Variants in FAM178B observed in about 807,000 individuals in gnomAD.
FAM178B encodes the protein protein FAM178B.
FAM178B carries 82 observed loss-of-function variants against 91.7 expected under a neutral mutation model. That is an observed-to-expected ratio of 0.89 (90% CI 0.75 to 1.07). FAM178B has a LOEUF of 1.07. Among genes scored for constraint, FAM178B ranks in the 50% least tolerant of loss-of-function variants. The pLI, the probability that FAM178B is intolerant of heterozygous loss-of-function variation, is 0.00. For missense variants in FAM178B, 769 were observed against 846.7 expected (o/e 0.91, Z 1.14); for synonymous variants, 368 against 359.4 (o/e 1.02, Z -0.27).
At chr2:96,949,206 C>T (rs755834077) in intron 7 of FAM178B, among the ~76,000 whole-genome samples, 10 of 152,166 alleles carry the variant, frequency 6.6e-5, no homozygotes, top group Non-Finnish European at 1.3e-4. Flanking sequence ...GATCGAGTCC[C>T]TGAGAGAGAA....
chr2:96,986,545 C>T lies in FAM178B; in HGVS notation c.-232G>A, dbSNP rs1409385801. Reference sequence around the variant, plus strand: ...AACCAAGCGGCCAGCTCACAGCCGCCGCCGCCGCCAGCTGGGGAGCTCGCC... The same window carrying T: ...AACCAAGCGGCCAGCTCACAGCCGCTGCCGCCGCCAGCTGGGGAGCTCGCC... On this transcript the variant is annotated 5_prime_UTR_variant, in exon 1 of 17. Coordinates refer to ENST00000490605, the MANE Select transcript of FAM178B (RefSeq NM_001122646.3). The T allele has an allele frequency of 5.7e-6, 3 of 526,086 alleles. No individual in the cohort carries two copies. Among genetic ancestry groups the T allele is most frequent in the Admixed American group, 3.5e-5 (1 of 28,426 alleles). 32.6% of individuals were successfully genotyped at this position (526,086 alleles called of 1,614,324 possible).
In FAM178B at chr2:96,972,241, G is replaced by C. The variant is rs960137604; in HGVS notation, c.224C>G (p.Pro75Arg). The C allele has an allele frequency of 2.0e-6, 3 of 1,523,290 alleles. No homozygotes were observed. The highest frequency in any genetic ancestry group is 1.4e-5 in the African/African-American group (1 of 71,864). 94.4% of individuals were successfully genotyped at this position (1,523,290 alleles called of 1,614,324 possible). The change falls in exon 3 of 17, where the codon CCC becomes CGC. Residue 75 changes from proline (P) to arginine (R), a missense_variant. Coordinates refer to ENST00000490605, the MANE Select transcript of FAM178B (RefSeq NM_001122646.3). ...GCAGGGCCGCCGGGCAGGGCAGCGG[G>C]GCCCCTGGTCCAGGGGATGGTCTGA... ...GLSDHPLDQGPRCPARRPCSP... is the reference protein window; with the variant it reads ...GLSDHPLDQGRRCPARRPCSP...
At chr2:96,894,087 G>T (rs1329767865) in intron 13 of FAM178B, 36 bp from the exon 14 acceptor site, 2 of 1,576,766 alleles carry the variant, frequency 1.3e-6, no homozygotes, top group African/African-American at 1.4e-5. Flanking sequence ...CTCACAGAGG[G>T]TGGTGGCCAA....
intron 8 of FAM178B, among the ~76,000 whole-genome samples, chr2:96,945,687 G>T (rs1188934372): frequency 1.3e-5 from 2 of 152,192 alleles, no homozygotes; most frequent in Non-Finnish European, 2.9e-5. Context: ...CTGAGGAAAT[G>T]ACTTCCTTCT....
At chr2:96,948,041 T>C (rs2081860013) in intron 7 of FAM178B, 139 bp from the exon 8 acceptor site, 1 of 600,854 alleles carries the variant, frequency 1.7e-6, no homozygotes, top group East Asian at 2.8e-5. Flanking sequence ...AAGGACATTG[T>C]CATTGTTGCC....
chr2:96,978,557 T>A (rs767161891), intron 1 of FAM178B, among the ~76,000 whole-genome samples: 11 of 152,166 alleles, frequency 7.2e-5, no homozygotes, highest in Non-Finnish European at 1.5e-4. Context: ...TGACTTTCTG[T>A]TTCTGAGTTA....
chr2:96,950,729 A>T (rs1435880350), intron 7 of FAM178B, among the ~76,000 whole-genome samples: 1 of 152,154 alleles, frequency 6.6e-6, no homozygotes, highest in African/African-American at 2.4e-5. Context: ...GCCCTGGGCA[A>T]AATGTATGTT....
chr2:96,960,619 G>A (rs1036785740), intron 5 of FAM178B, among the ~76,000 whole-genome samples, 179 bp from the exon 6 acceptor site: 2 of 152,164 alleles, frequency 1.3e-5, no homozygotes, highest in Non-Finnish European at 2.9e-5. Context: ...AGGCACGCAG[G>A]AGCCCTTCAG....
At chr2:96,977,950 C>CGGGGTGGGGGGGGG in intron 1 of FAM178B, 1 of 229,318 alleles carries the variant, frequency 4.4e-6, no homozygotes, top group Non-Finnish European at 8.8e-6. Context: ...GTGGGGCGGG[C>CGGGGTGGGGGGGGG]GGGGGAGGGG....
chr2:96,883,491 G>A (rs2080440236), intron 14 of FAM178B, among the ~76,000 whole-genome samples: 1 of 152,182 alleles, frequency 6.6e-6, no homozygotes, highest in Non-Finnish European at 1.5e-5. Flanking sequence ...TTAACCCCGG[G>A]CAAGTCTTCC....
chr2:96,930,061 A>G (rs944274499), intron 8 of FAM178B, among the ~76,000 whole-genome samples: 1 of 151,996 alleles, frequency 6.6e-6, no homozygotes, highest in African/African-American at 2.4e-5. Flanking sequence ...ACTAAAATAC[A>G]AAAGAAAGTA....
chr2:96,931,856 GT>G lies in FAM178B; in HGVS notation c.1079-2537del, dbSNP rs75999007. 3.2e-3 allele frequency among the ~76,000 whole-genome samples: 459 copies of G among 141,688 alleles called. 14 individuals carry two copies. The East Asian group carries it at 0.038, about 12-fold the overall frequency. 93.0% of individuals were successfully genotyped at this position (141,688 alleles called of 152,430 possible). On this transcript the variant is annotated intron_variant, in intron 8 of 16. Transcript: ENST00000490605. Reference sequence around the variant, plus strand: ...GGAGGAAAAACTTTCTTGTTTGTTTGTTTTTTTTTTTTTTCCTCTCTTGGGC... The same window carrying G: ...GGAGGAAAAACTTTCTTGTTTGTTTGTTTTTTTTTTTTTCCTCTCTTGGGC...
intron 8 of FAM178B, among the ~76,000 whole-genome samples, chr2:96,932,864 C>T (rs1395496124): frequency 6.8e-6 from 1 of 146,186 alleles, no homozygotes; most frequent in African/African-American, 2.6e-5. Flanking sequence ...TGCTTGAACC[C>T]AGGAGGCAAA....
At chr2:96,928,673 G>C (rs953976698) in intron 9 of FAM178B, among the ~76,000 whole-genome samples, 11 of 152,194 alleles carry the variant, frequency 7.2e-5, no homozygotes, top group African/African-American at 2.2e-4. Context: ...GGCAGCGGGG[G>C]CTGAGTCAGG....
At position 96,972,242 on chromosome 2, in the gene FAM178B, G is replaced by A; in HGVS notation, c.223C>T (p.Pro75Ser). 1 of 1,521,956 alleles carries A rather than the reference G, an allele frequency of 6.6e-7. No individual in the cohort carries two copies. The highest frequency in any genetic ancestry group is 8.8e-7 in the Non-Finnish European group (1 of 1,134,844). The allele number at this position is 1,521,956 out of a possible 1,614,324, so 94.3% of individuals were successfully genotyped here. A position where few individuals can be genotyped will look rare whatever the true frequency, so the allele number is the denominator to read the frequency against. Reference sequence around the variant, plus strand: ...CAGGGCCGCCGGGCAGGGCAGCGGGGCCCCTGGTCCAGGGGATGGTCTGAC... The same window carrying A: ...CAGGGCCGCCGGGCAGGGCAGCGGGACCCCTGGTCCAGGGGATGGTCTGAC... The part of the protein sequence containing the change: ...GLSDHPLDQG[P>S]RCPARRPCSP... Residue 75 changes from proline to serine, a missense_variant, in exon 3 of 17, where the codon CCC (proline) becomes TCC (serine). Coordinates refer to ENST00000490605, the MANE Select transcript of FAM178B (RefSeq NM_001122646.3).
chr2:96,965,465 C>T (rs1009465642), intron 5 of FAM178B, among the ~76,000 whole-genome samples: 1 of 151,396 alleles, frequency 6.6e-6, no homozygotes, highest in Non-Finnish European at 1.5e-5. Context: ...AGTCTCCCCC[C>T]ATTTTTTTTT....
At chr2:96,935,894 G>A (rs1327482384) in intron 8 of FAM178B, among the ~76,000 whole-genome samples, 1 of 151,388 alleles carries the variant, frequency 6.6e-6, no homozygotes, top group African/African-American at 2.4e-5. Flanking sequence ...CCTCGGCTCC[G>A]CAAAGTGCTG....
At chr2:96,899,116 G>C (rs188681395) in intron 13 of FAM178B, among the ~76,000 whole-genome samples, 1 of 152,356 alleles carries the variant, frequency 6.6e-6, no homozygotes, top group East Asian at 1.9e-4. Flanking sequence ...GCTTGCAGTG[G>C]AGATGGGGAA....
At chr2:96,897,662 C>T (rs1271325680) in intron 13 of FAM178B, among the ~76,000 whole-genome samples, 1 of 152,228 alleles carries the variant, frequency 6.6e-6, no homozygotes, top group Non-Finnish European at 1.5e-5. Context: ...CTGACCACTT[C>T]TCACCGCCCA....
Sources: allele counts gnomAD v4.1 joint callset (sites outside exome capture counted in the v4.1 genomes callset), GRCh38; gene constraint gnomAD v4.1.1; transcripts MANE v1.5; gene names NCBI Gene and HGNC (gene_info 2026-07-23, HGNC 2026-07-21).